Variants in SEL1L3 observed in about 807,000 individuals in gnomAD.
SEL1L3 encodes the protein protein sel-1 homolog 3.
Under a neutral mutation model 142.8 loss-of-function variants are expected in SEL1L3, and 76 were observed. That is an observed-to-expected ratio of 0.53 (90% CI 0.44 to 0.64). SEL1L3 has a LOEUF of 0.64. SEL1L3 is among the 30% of genes least tolerant of loss of function. The probability of loss-of-function intolerance (pLI) is 0.00; values close to 1 mark genes in which losing one functional copy is unlikely to be tolerated. For synonymous variants in SEL1L3, 504 were observed against 519.6 expected (o/e 0.97, Z 0.41); for missense variants, 1,262 against 1,381.7 (o/e 0.91, Z 1.37).
intron 15 of SEL1L3, among the ~76,000 whole-genome samples, chr4:25,781,420 T>C (rs1719992814): frequency 6.6e-6 from 1 of 152,028 alleles, no homozygotes; most frequent in Non-Finnish European, 1.5e-5. Flanking sequence ...GGCGGATCAC[T>C]TGAGGCCAGG....
downstream of SEL1L3, among the ~76,000 whole-genome samples, chr4:25,746,013 T>G (rs1201372230): frequency 6.6e-6 from 1 of 152,188 alleles, no homozygotes; most frequent in East Asian, 1.9e-4. Context: ...CCTGATATAG[T>G]TTGGATATTT....
chr4:25,757,793 G>A lies in SEL1L3; in HGVS notation c.3084-3C>T. 6.4e-7 allele frequency: 1 copy of A among 1,568,068 alleles called. No individual in the cohort carries two copies. The highest frequency in any genetic ancestry group is 8.6e-7 in the Non-Finnish European group (1 of 1,156,876). On this transcript the variant is annotated splice_polypyrimidine_tract_variant and splice_region_variant and intron_variant, in intron 21 of 23. Transcript: ENST00000399878. ...CCTCGTTACTGTGGCTCCAGCACCT[G>A]CAGACAAAGCCCAGGGCATCTTGAC...
the SEL1L3 span, among the ~76,000 whole-genome samples, chr4:25,728,487 C>A: frequency 2.6e-5 from 4 of 152,128 alleles, no homozygotes; most frequent in Middle Eastern, 3.2e-3. Context: ...ACATCCTCAC[C>A]CCCATGCCCT....
At chr4:25,770,187 G>C (rs552336848) in intron 17 of SEL1L3, 1 of 152,146 alleles carries the variant, frequency 6.6e-6, no homozygotes, top group South Asian at 2.1e-4. Flanking sequence ...CAGAATGGGT[G>C]GGGGAGATGG....
At chr4:25,805,925 T>C (rs956807287) in intron 9 of SEL1L3, among the ~76,000 whole-genome samples, 1 of 152,244 alleles carries the variant, frequency 6.6e-6, no homozygotes, top group African/African-American at 2.4e-5. Context: ...TTAAGTTAAA[T>C]GTCAACTTGA....
At chr4:25,818,517 A>C (rs1019521178) in intron 8 of SEL1L3, among the ~76,000 whole-genome samples, 1 of 152,194 alleles carries the variant, frequency 6.6e-6, no homozygotes, top group African/African-American at 2.4e-5. Context: ...CTACAGAATG[A>C]GCAGCTGGCC....
At chr4:25,741,754 A>T in the SEL1L3 span, among the ~76,000 whole-genome samples, 1 of 151,768 alleles carries the variant, frequency 6.6e-6, no homozygotes, top group Non-Finnish European at 1.5e-5. Context: ...ACTGCTTAAG[A>T]AATCTTTTGT....
At chr4:25,719,667 A>C in the SEL1L3 span, 1 of 152,204 alleles carries the variant, frequency 6.6e-6, no homozygotes, top group Non-Finnish European at 1.5e-5. Flanking sequence ...GTGGATAACC[A>C]GTTGATTCAG....
chr4:25,762,609 G>A (rs1718444751), intron 20 of SEL1L3, among the ~76,000 whole-genome samples: 1 of 152,174 alleles, frequency 6.6e-6, no homozygotes, highest in Admixed American at 6.5e-5. Context: ...AGAATATGGG[G>A]CAGCTATTAG....
chr4:25,725,973 T>C, the SEL1L3 span, among the ~76,000 whole-genome samples: 1 of 152,114 alleles, frequency 6.6e-6, no homozygotes, highest in South Asian at 2.1e-4. Flanking sequence ...TCGTGACCGG[T>C]ATCTTGTGAC....
At chr4:25,796,147 T>C (rs1213612733) in intron 11 of SEL1L3, among the ~76,000 whole-genome samples, 1 of 152,192 alleles carries the variant, frequency 6.6e-6, no homozygotes, top group Non-Finnish European at 1.5e-5. Flanking sequence ...GCCCAGTGTC[T>C]GGAGACAAAG....
intron 16 of SEL1L3, among the ~76,000 whole-genome samples, chr4:25,778,373 T>A (rs1420773981): frequency 6.6e-6 from 1 of 152,118 alleles, no homozygotes; most frequent in African/African-American, 2.4e-5. Flanking sequence ...AAGAGGAAAT[T>A]CAGGCACCTG....
intron 2 of SEL1L3, among the ~76,000 whole-genome samples, chr4:25,837,325 C>CTAG (rs1715897958): frequency 7.0e-6 from 1 of 142,582 alleles, no homozygotes; most frequent in African/African-American, 2.7e-5. Flanking sequence ...GTTGAGTGAT[C>CTAG]TAGTGTGCAG....
At chr4:25,780,473 A>T (rs570257700) in intron 15 of SEL1L3, among the ~76,000 whole-genome samples, 1 of 151,114 alleles carries the variant, frequency 6.6e-6, no homozygotes, top group Admixed American at 6.6e-5. Context: ...CACCCTCTCC[A>T]TCTCTTCTGC....
chr4:25,742,043 C>T, the SEL1L3 span, among the ~76,000 whole-genome samples: 1 of 151,790 alleles, frequency 6.6e-6, no homozygotes, highest in Non-Finnish European at 1.5e-5. Flanking sequence ...AACTCTTGTC[C>T]TCAAGTGATC....
At chr4:25,745,766 A>T (rs1202737329), downstream of SEL1L3, among the ~76,000 whole-genome samples, 2 of 152,260 alleles carry the variant, frequency 1.3e-5, no homozygotes, top group African/African-American at 2.4e-5. Context: ...GCCTACATCA[A>T]GGAGCCACTG....
intron 6 of SEL1L3, 149 bp downstream of exon 6, chr4:25,829,949 C>T: frequency 1.7e-6 from 1 of 590,452 alleles, no homozygotes; most frequent in Non-Finnish European, 3.0e-6. Context: ...AAAAAAAGTA[C>T]AAAGACTAGC....
At chr4:25,836,613 C>G (rs1419791331) in intron 2 of SEL1L3, among the ~76,000 whole-genome samples, 1 of 152,144 alleles carries the variant, frequency 6.6e-6, no homozygotes, top group Admixed American at 6.5e-5. Context: ...GATGGCACCA[C>G]TGCACTCCAA....
At position 25,834,196 on chromosome 4, in the gene SEL1L3, A is replaced by G. The variant is rs142342198; in HGVS notation, c.861-627T>C. Among the ~76,000 whole-genome samples, 387 of 152,334 alleles carry G rather than the reference A, an allele frequency of 2.5e-3. 2 individuals carry two copies. The highest frequency in any genetic ancestry group is 8.7e-3 in the African/African-American group (362 of 41,584). ...ACTGGGGCTATTTTAGTCGAAAAAAATATTGTACATCTGTGACTTGTAGAG... is the reference window on the plus strand; with the variant it reads ...ACTGGGGCTATTTTAGTCGAAAAAAGTATTGTACATCTGTGACTTGTAGAG... On this transcript the variant is annotated intron_variant, in intron 3 of 23. Coordinates refer to ENST00000399878, the MANE Select transcript of SEL1L3 (RefSeq NM_015187.5).
Sources: gnomAD v4.1 joint callset for allele counts (sites outside exome capture counted in the v4.1 genomes callset) on GRCh38, gnomAD v4.1.1 for gene constraint, MANE v1.5 for transcripts, NCBI Gene and HGNC (gene_info 2026-07-23, HGNC 2026-07-21) for gene names.